The following RPA1 variants were observed in gnomAD, a reference collection of about 807,000 sequenced individuals.
RPA1 encodes the protein replication protein A1.
In RPA1, 49 loss-of-function variants were observed where a neutral mutation model predicts 83.0. The observed-to-expected ratio is 0.59, with a 90% CI of 0.47 to 0.75. The LOEUF (loss-of-function observed/expected upper bound fraction) is 0.75. Ranked by LOEUF, RPA1 falls within the 30% of genes least tolerant of loss-of-function variation. The probability of loss-of-function intolerance (pLI) is 0.00; values close to 1 mark genes in which losing one functional copy is unlikely to be tolerated. For synonymous variants in RPA1, 279 were observed against 281.8 expected, an observed-to-expected ratio of 0.99 and a Z score of 0.10; for missense variants, 693 against 776.1, an observed-to-expected ratio of 0.89 and a Z score of 1.27.
At position 1,888,707 on chromosome 17, in the gene RPA1, G is replaced by A. The variant is rs1000574243; in HGVS notation, c.1407G>A (p.Val469=). Residue 469 remains valine, a synonymous_variant, in exon 14 of 17, where the codon GTG becomes GTA. Coordinates refer to ENST00000254719, the MANE Select transcript of RPA1 (RefSeq NM_002945.5). ...PDYFSSVATV[V]YLRKENCMYQ... ...ACTTTAGTTCTGTGGCCACAGTGGT[G>A]TATCTTCGCAAAGAGAACTGCATGT... is the stretch of plus-strand genomic sequence containing the variant. 3.7e-6 allele frequency: 6 copies of A among 1,613,990 alleles called. No homozygotes were observed. Among genetic ancestry groups the A allele is most frequent in the African/African-American group, 2.7e-5 (2 of 74,938 alleles).
intron 1 of RPA1, among the ~76,000 whole-genome samples, chr17:1,832,575 T>TG (rs1266565142): frequency 1.3e-5 from 2 of 149,904 alleles, no homozygotes; most frequent in Non-Finnish European, 3.0e-5. Flanking sequence ...TTAGTAGAGA[T>TG]GGGGTTTCAC....
intron 5 of RPA1, among the ~76,000 whole-genome samples, chr17:1,855,363 G>GTGTGTGTGTGTGTGTT (rs752248502): frequency 8.3e-5 from 10 of 120,066 alleles, no homozygotes; most frequent in Non-Finnish European, 1.7e-4. Context: ...GTGTGTGTGT[G>GTGTGTGTGTGTGTGTT]TGTTTAGTAG....
At chr17:1,896,823 G>A (rs1255155435) in intron 16 of RPA1, among the ~76,000 whole-genome samples, 1 of 152,220 alleles carries the variant, frequency 6.6e-6, no homozygotes, top group Non-Finnish European at 1.5e-5. Flanking sequence ...ATCTCACTAG[G>A]ATTCTAGGCT....
chr17:1,868,356 G>A (rs1348267455), intron 5 of RPA1, among the ~76,000 whole-genome samples: 2 of 152,188 alleles, frequency 1.3e-5, no homozygotes, highest in Non-Finnish European at 1.5e-5. Context: ...CTGTGCTAGC[G>A]GGTGGAGAAC....
At chr17:1,843,022 G>A (rs752416701) in intron 2 of RPA1, among the ~76,000 whole-genome samples, 169 bp downstream of exon 2, 1 of 152,088 alleles carries the variant, frequency 6.6e-6, no homozygotes, top group Non-Finnish European at 1.5e-5. Context: ...CAGGCTTTTT[G>A]AAAATGTTAC....
chr17:1,845,809 G>C (rs894047956), intron 4 of RPA1, among the ~76,000 whole-genome samples: 1 of 152,154 alleles, frequency 6.6e-6, no homozygotes, highest in Non-Finnish European at 1.5e-5. Context: ...ACATGTGCCT[G>C]TGGTCCCAGC....
chr17:1,831,744 A>G (rs921202689), intron 1 of RPA1, among the ~76,000 whole-genome samples: 36 of 149,756 alleles, frequency 2.4e-4, no homozygotes, highest in African/African-American at 4.4e-4. Flanking sequence ...GACTACAGGT[A>G]CCCGCCACCA....
chr17:1,834,255 C>G (rs1911725701), intron 1 of RPA1, among the ~76,000 whole-genome samples: 1 of 152,148 alleles, frequency 6.6e-6, no homozygotes, highest in South Asian at 2.1e-4. Flanking sequence ...TGGGGTCTCA[C>G]TCTGTTGCCC....
chr17:1,862,152 A>T (rs11650608), intron 5 of RPA1, among the ~76,000 whole-genome samples: 1 of 146,510 alleles, frequency 6.8e-6, no homozygotes, highest in Non-Finnish European at 1.5e-5. Context: ...TCAGCCTCCC[A>T]AAGTGCTGGG....
chr17:1,884,961 G>C lies in RPA1; in HGVS notation c.1374+1017G>C, dbSNP rs747232336. On this transcript the variant is annotated intron_variant, in intron 13 of 16. Transcript: ENST00000254719. The surrounding 1 kb of genome is among the most constrained non-coding windows in gnomAD (Gnocchi z 4.1). ...ACGGCGATGGTTGCTGAACATCGGC[G>C]TGTCTTTGGCAGTTTCTTAAAATAA... Among the ~76,000 whole-genome samples, 1 of 152,196 alleles carries C rather than the reference G, an allele frequency of 6.6e-6. No homozygotes were observed. Among genetic ancestry groups the C allele is most frequent in the Non-Finnish European group, 1.5e-5 (1 of 68,046 alleles).
At chr17:1,862,781 G>A (rs1027182631) in intron 5 of RPA1, among the ~76,000 whole-genome samples, 1 of 137,716 alleles carries the variant, frequency 7.3e-6, no homozygotes, top group Non-Finnish European at 1.5e-5. Context: ...GAGTGCACTG[G>A]AACGATCTCC....
At chr17:1,836,140 G>C (rs764439384) in intron 1 of RPA1, among the ~76,000 whole-genome samples, 7 of 151,822 alleles carry the variant, frequency 4.6e-5, no homozygotes, top group Non-Finnish European at 7.4e-5. Context: ...ATTTGAGGCA[G>C]AGTTTCCTCC....
intron 5 of RPA1, among the ~76,000 whole-genome samples, chr17:1,859,257 C>G (rs566585645): frequency 6.3e-4 from 96 of 152,230 alleles, no homozygotes; most frequent in African/African-American, 2.2e-3. Flanking sequence ...TCTGTGTGTA[C>G]TTGAAAAGAA....
At chr17:1,855,436 G>A (rs4404106) in intron 5 of RPA1, among the ~76,000 whole-genome samples, 12 of 151,960 alleles carry the variant, frequency 7.9e-5, no homozygotes, top group African/African-American at 1.9e-4. Flanking sequence ...TGGTCCACCC[G>A]CCTGGGCCTC....
At chr17:1,832,513 G>A (rs1911658049) in intron 1 of RPA1, among the ~76,000 whole-genome samples, 1 of 151,740 alleles carries the variant, frequency 6.6e-6, no homozygotes, top group African/African-American at 2.4e-5. Context: ...CAGCCTCCCA[G>A]GTAGCTGAGA....
chr17:1,873,316 A>G (rs528211906), intron 6 of RPA1, among the ~76,000 whole-genome samples: 112 of 152,162 alleles, frequency 7.4e-4, no homozygotes, highest in Non-Finnish European at 1.2e-3. Flanking sequence ...AGGTCCTAAG[A>G]GGCATTAATG....
At chr17:1,880,904 G>T (rs985399335) in intron 12 of RPA1, among the ~76,000 whole-genome samples, 1 of 152,178 alleles carries the variant, frequency 6.6e-6, no homozygotes, top group East Asian at 1.9e-4. Context: ...CTAGAGAGTC[G>T]GAGGAGGCAA....
At chr17:1,863,091 AG>A (rs1171043492) in intron 5 of RPA1, among the ~76,000 whole-genome samples, 1 of 151,812 alleles carries the variant, frequency 6.6e-6, no homozygotes, top group African/African-American at 2.4e-5. Context: ...TGGCTCAAAA[AG>A]GGCTTACTGT....
chr17:1,855,904 A>G (rs776707540), intron 5 of RPA1, among the ~76,000 whole-genome samples: 1 of 152,100 alleles, frequency 6.6e-6, no homozygotes, highest in Non-Finnish European at 1.5e-5. Context: ...ACCCTTCTTG[A>G]GTAGACTTTG....
Sources: allele counts gnomAD v4.1 joint callset (sites outside exome capture counted in the v4.1 genomes callset), GRCh38; gene constraint gnomAD v4.1.1; non-coding constraint Gnocchi (gnomAD v3.1); transcripts MANE v1.5; gene names NCBI Gene and HGNC (gene_info 2026-07-23, HGNC 2026-07-21).